The following CEP104 variants were observed in gnomAD, a reference collection of about 807,000 sequenced individuals.
The protein encoded by CEP104 is centrosomal protein of 104 kDa.
Under a neutral mutation model 113.3 loss-of-function variants are expected in CEP104, and 84 were observed. The observed-to-expected ratio is 0.74, with a 90% CI of 0.62 to 0.89. The LOEUF is 0.89. Ranked by LOEUF, CEP104 falls within the 40% of genes least tolerant of loss-of-function variation. The pLI is 0.00. For missense variants in CEP104, 1,053 were observed against 1,156.6 expected (o/e 0.91, Z 1.30); for synonymous variants, 378 against 421.7 (o/e 0.90, Z 1.27).
At chr1:3,827,166 C>T (rs1644108196) in intron 15 of CEP104, among the ~76,000 whole-genome samples, 1 of 152,168 alleles carries the variant, frequency 6.6e-6, no homozygotes. Context: ...TGCAGAAGTG[C>T]AATTCTAGTT....
intron 1 of CEP104, chr1:3,855,882 T>C (rs985227150): frequency 3.0e-6 from 3 of 985,034 alleles, no homozygotes; most frequent in South Asian, 4.7e-5. Flanking sequence ...ACCAGAGGCA[T>C]GAGGGATCCC....
At chr1:3,847,637 G>T in intron 3 of CEP104, 24 bp from the exon 4 acceptor site, 1 of 1,613,576 alleles carries the variant, frequency 6.2e-7, no homozygotes, top group Non-Finnish European at 8.5e-7. Context: ...CACAACTGAA[G>T]AATTTGAAAA....
chr1:3,837,635 C>T, intron 8 of CEP104, 116 bp from the exon 9 acceptor site: 1 of 877,234 alleles, frequency 1.1e-6, no homozygotes, highest in Admixed American at 2.9e-5. Context: ...GGCTCCTTGG[C>T]ACAATGAAAA....
At chr1:3,847,448 T>C (rs1176444219) in intron 4 of CEP104, 27 bp downstream of exon 4, 35 of 1,549,686 alleles carry the variant, frequency 2.3e-5, no homozygotes, top group Non-Finnish European at 3.0e-5. Flanking sequence ...AGGGGCAGAA[T>C]CAAAGGCGAA....
At chr1:3,838,698 G>A (rs1257727279) in intron 8 of CEP104, among the ~76,000 whole-genome samples, 1 of 152,192 alleles carries the variant, frequency 6.6e-6, no homozygotes, top group Non-Finnish European at 1.5e-5. Context: ...GAGAGATGAA[G>A]GGATGCAGCA....
chr1:3,842,704 G>C (rs1412265796), intron 6 of CEP104, among the ~76,000 whole-genome samples: 1 of 152,218 alleles, frequency 6.6e-6, no homozygotes, highest in Non-Finnish European at 1.5e-5. Flanking sequence ...TTCTATTAAA[G>C]TTTAAAAAGT....
intron 13 of CEP104, among the ~76,000 whole-genome samples, chr1:3,830,511 C>T (rs544554382): frequency 7.9e-5 from 12 of 152,282 alleles, no homozygotes; most frequent in South Asian, 2.1e-4. Flanking sequence ...CAGTGGCTCA[C>T]GCCTGTAATC....
At chr1:3,829,231 A>C in intron 15 of CEP104, 35 bp downstream of exon 15, 3 of 1,417,164 alleles carry the variant, frequency 2.1e-6, no homozygotes, top group Non-Finnish European at 2.9e-6. Flanking sequence ...ATTTCAGCTA[A>C]AAGCACACAG....
intron 20 of CEP104, chr1:3,822,915 C>T: frequency 4.3e-6 from 2 of 465,820 alleles, no homozygotes; most frequent in Non-Finnish European, 7.7e-6. Context: ...CATGCTGTAT[C>T]CCAGTGACAC....
chr1:3,838,609 G>A (rs1245036865), intron 8 of CEP104, among the ~76,000 whole-genome samples: 3 of 152,180 alleles, frequency 2.0e-5, no homozygotes, highest in South Asian at 4.1e-4. Flanking sequence ...TTAGCATTAC[G>A]TTCTCACTTG....
intron 15 of CEP104, among the ~76,000 whole-genome samples, chr1:3,827,438 T>C (rs907985470): frequency 6.6e-6 from 1 of 152,132 alleles, no homozygotes; most frequent in African/African-American, 2.4e-5. Flanking sequence ...CAGGCTGGTC[T>C]TGAACTTCTG....
intron 15 of CEP104, among the ~76,000 whole-genome samples, chr1:3,828,963 G>A (rs1644146362): frequency 6.6e-6 from 1 of 152,156 alleles, no homozygotes; most frequent in Middle Eastern, 3.2e-3. Flanking sequence ...TCTGAAGGTG[G>A]CTGGAGAGCT....
chr1:3,844,844 C>A (rs1055244884), intron 6 of CEP104, 63 bp downstream of exon 6: 2 of 1,373,518 alleles, frequency 1.5e-6, no homozygotes, highest in Non-Finnish European at 2.1e-6. Flanking sequence ...TTGGAAATGA[C>A]TGACCCTTTC....
At chr1:3,838,216 G>A (rs1644351005) in intron 8 of CEP104, among the ~76,000 whole-genome samples, 1 of 152,150 alleles carries the variant, frequency 6.6e-6, no homozygotes, top group Non-Finnish European at 1.5e-5. Context: ...GCAGTGGTGC[G>A]ATCGTAGCTC....
rs546601966 is a variant in CEP104, at chr1:3,819,200, G to A, written c.2572-2830C>T. ...GAACCCGGGCGAACCTTGAAAACAC[G>A]TTAAGTCAAAGACACAAAGGCCGCA... On this transcript the variant is annotated intron_variant, in intron 20 of 21. Coordinates refer to ENST00000378230, the MANE Select transcript of CEP104 (RefSeq NM_014704.4). The surrounding 1 kb of genome is among the most constrained non-coding windows in gnomAD (Gnocchi z 4.6). Among the ~76,000 whole-genome samples the A allele has an allele frequency of 2.6e-5, 4 of 152,304 alleles. No individual in the cohort carries two copies. The highest frequency in any genetic ancestry group is 1.9e-4 in the East Asian group (1 of 5,186).
chr1:3,854,742 G>C (rs1644681182), intron 1 of CEP104, among the ~76,000 whole-genome samples: 1 of 150,096 alleles, frequency 6.7e-6, no homozygotes, highest in Admixed American at 6.7e-5. Flanking sequence ...GCCTCCCAAA[G>C]TGCTGGGATT....
chr1:3,836,481 T>TTC lies in CEP104; in HGVS notation c.1317+13_1317+14insGA. The TTC allele has an allele frequency of 6.8e-7, 1 of 1,481,230 alleles. No individual in the cohort carries two copies. Among genetic ancestry groups the TTC allele is most frequent in the East Asian group, 2.3e-5 (1 of 42,796 alleles). The allele number at this position is 1,481,230 out of a possible 1,614,324, so 91.8% of individuals were successfully genotyped here. ...CTCTGCCACCCCGTTTTTTTTTTTT[T>TTC]TTTTTTTTTTTACCAAGGTTTCTCC... On this transcript the variant is annotated intron_variant, in intron 10 of 21. Transcript: ENST00000378230.
chr1:3,839,169 T>G, intron 7 of CEP104, 50 bp from the exon 8 acceptor site: 2 of 1,520,732 alleles, frequency 1.3e-6, no homozygotes, highest in Non-Finnish European at 1.8e-6. Flanking sequence ...TCAACTCACA[T>G]CAAATGCAAA....
intron 2 of CEP104, among the ~76,000 whole-genome samples, chr1:3,851,725 T>C (rs910753847): frequency 6.6e-6 from 1 of 152,226 alleles, no homozygotes; most frequent in African/African-American, 2.4e-5. Context: ...TCACAGCTCA[T>C]GGCAGCCTTG....
Sources: gnomAD v4.1 joint callset for allele counts (sites outside exome capture counted in the v4.1 genomes callset) on GRCh38, gnomAD v4.1.1 for gene constraint, Gnocchi (gnomAD v3.1) non-coding constraint, MANE v1.5 for transcripts, NCBI Gene and HGNC (gene_info 2026-07-23, HGNC 2026-07-21) for gene names.